TNKS: variants seen among roughly 807,000 people sequenced by gnomAD.
The protein encoded by TNKS is poly [ADP-ribose] polymerase tankyrase-1.
TNKS carries 72 observed loss-of-function variants against 135.8 expected under a neutral mutation model. The ratio of observed to expected loss-of-function variants is 0.53; its 90% confidence interval spans 0.44 to 0.64. TNKS has a LOEUF of 0.64. Ranked by LOEUF, TNKS falls within the 30% of genes least tolerant of loss-of-function variation. The pLI, the probability that TNKS is intolerant of heterozygous loss-of-function variation, is 0.00. For synonymous variants in TNKS, 849 were observed against 649.3 expected (o/e 1.31, Z -4.68); for missense variants, 1,769 against 1,674.0 (o/e 1.06, Z -0.99).
At position 9,667,060 on chromosome 8, in the gene TNKS, CAA is replaced by C. The variant is rs376940172; in HGVS notation, c.995-12889_995-12888del. Among the ~76,000 whole-genome samples the C allele has an allele frequency of 5.3e-3, 802 of 152,146 alleles. 9 individuals carry two copies. The highest frequency in any genetic ancestry group is 0.018 in the African/African-American group (751 of 41,500). On this transcript the variant is annotated intron_variant, in intron 3 of 26. Transcript: ENST00000310430. Reference sequence around the variant, plus strand: ...TTATGGTAGCAGTATTCTAATAAGACAAAGTGATAATTTTTATATGAGGGTAG... The same window carrying C: ...TTATGGTAGCAGTATTCTAATAAGACAGTGATAATTTTTATATGAGGGTAG...
At chr8:9,659,510 A>G (rs546425982) in intron 3 of TNKS, among the ~76,000 whole-genome samples, 19 of 152,374 alleles carry the variant, frequency 1.2e-4, no homozygotes, top group African/African-American at 4.1e-4. Flanking sequence ...AAATGAAGGC[A>G]GAAATAAAGA....
chr8:9,711,737 T>C (rs988217732), intron 11 of TNKS, among the ~76,000 whole-genome samples: 1 of 152,244 alleles, frequency 6.6e-6, no homozygotes, highest in African/African-American at 2.4e-5. Context: ...AGGTAAATGA[T>C]AAAATAACTG....
At chr8:9,622,074 T>G (rs753394513) in intron 3 of TNKS, among the ~76,000 whole-genome samples, 1 of 152,196 alleles carries the variant, frequency 6.6e-6, no homozygotes, top group African/African-American at 2.4e-5. Context: ...GCAGGAAAAT[T>G]TAAAGTTTTA....
At chr8:9,705,033 A>G (rs1803983941) in intron 6 of TNKS, among the ~76,000 whole-genome samples, 2 of 152,212 alleles carry the variant, frequency 1.3e-5, no homozygotes, top group South Asian at 4.1e-4. Context: ...CAACTCTTAA[A>G]TTGCATTTTA....
intron 20 of TNKS, among the ~76,000 whole-genome samples, chr8:9,753,524 T>G (rs1170706647): frequency 6.6e-6 from 1 of 152,236 alleles, no homozygotes; most frequent in African/African-American, 2.4e-5. Context: ...TTCTTCTGTT[T>G]GTTTTACTGT....
intron 26 of TNKS, among the ~76,000 whole-genome samples, chr8:9,775,791 C>G (rs1426400851): frequency 1.3e-5 from 2 of 151,912 alleles, no homozygotes; most frequent in Non-Finnish European, 2.9e-5. Context: ...GTCCCCAAAA[C>G]ACTTTGCTCA....
At chr8:9,561,849 T>C (rs963852436) in intron 1 of TNKS, among the ~76,000 whole-genome samples, 1 of 152,140 alleles carries the variant, frequency 6.6e-6, no homozygotes, top group Non-Finnish European at 1.5e-5. Flanking sequence ...TTGATTTTGC[T>C]CTTGTTGCCC....
intron 3 of TNKS, among the ~76,000 whole-genome samples, chr8:9,623,147 A>T (rs755730526): frequency 6.6e-6 from 1 of 152,220 alleles, no homozygotes; most frequent in Non-Finnish European, 1.5e-5. Context: ...CAGAAAGGGA[A>T]ACTGCAGATA....
intron 3 of TNKS, among the ~76,000 whole-genome samples, chr8:9,654,334 C>A (rs534172559): frequency 3.0e-4 from 46 of 151,942 alleles, no homozygotes; most frequent in Non-Finnish European, 5.3e-4. Context: ...TATTCTTAAC[C>A]TACTAGTACT....
Position 9,577,844 on chromosome 8 carries a change from C to A in TNKS, c.674-2315C>A, listed in dbSNP as rs1304604920. ...CTCATTCCAGCATTAACTCAAAAGT[C>A]CAGAGTTCAAAGCAAAGCAAGTCCC... On this transcript the variant is annotated intron_variant, in intron 1 of 26. Coordinates refer to ENST00000310430, the MANE Select transcript of TNKS (RefSeq NM_003747.3). Among the ~76,000 whole-genome samples the A allele has an allele frequency of 2.6e-5, 4 of 152,252 alleles. No individual in the cohort carries two copies. In the East Asian group the frequency reaches 7.7e-4, roughly 29 times the overall value.
chr8:9,724,777 C>T (rs891093161), intron 12 of TNKS, among the ~76,000 whole-genome samples: 4 of 152,160 alleles, frequency 2.6e-5, no homozygotes, highest in Non-Finnish European at 2.9e-5. Context: ...ATTCTTTTCT[C>T]ATAGTTCCAG....
chr8:9,572,590 A>G (rs868786607), intron 1 of TNKS, among the ~76,000 whole-genome samples: 5 of 152,160 alleles, frequency 3.3e-5, no homozygotes, highest in African/African-American at 1.2e-4. Context: ...TTTCTCCATG[A>G]AATATAGTAA....
At chr8:9,719,048 C>G (rs999153354) in intron 11 of TNKS, among the ~76,000 whole-genome samples, 1 of 152,126 alleles carries the variant, frequency 6.6e-6, no homozygotes, top group African/African-American at 2.4e-5. Flanking sequence ...AATCAAAATT[C>G]AAGTTAGTTT....
intron 3 of TNKS, among the ~76,000 whole-genome samples, chr8:9,658,100 G>T (rs1241191104): frequency 5.3e-5 from 5 of 93,486 alleles, no homozygotes; most frequent in African/African-American, 4.3e-5. Flanking sequence ...GGGAAGAGGC[G>T]CTCCTCACTT....
At chr8:9,699,151 A>G (rs1294550694) in intron 5 of TNKS, among the ~76,000 whole-genome samples, 41 of 152,258 alleles carry the variant, frequency 2.7e-4, no homozygotes, top group Admixed American at 2.5e-3. Context: ...GTTTACAACC[A>G]TCATCAAATT....
chr8:9,569,650 G>T (rs930676196), intron 1 of TNKS, among the ~76,000 whole-genome samples: 3 of 152,148 alleles, frequency 2.0e-5, no homozygotes, highest in Non-Finnish European at 4.4e-5. Flanking sequence ...TTTTGTACAC[G>T]TCTGTAAACG....
chr8:9,776,763 C>T lies in TNKS; in HGVS notation c.*27C>T. The T allele has an allele frequency of 6.2e-7, 1 of 1,601,156 alleles. No individual in the cohort carries two copies. Among genetic ancestry groups the T allele is most frequent in the East Asian group, 2.2e-5 (1 of 44,808 alleles). On this transcript the variant is annotated 3_prime_UTR_variant, in exon 27 of 27. Transcript: ENST00000310430. ...GAATGCCTGCTGGTGAAGGCCAGAT[C>T]AGATTTCAACCTGGGACTGGATTAC...
At chr8:9,570,279 A>G (rs1797707820) in intron 1 of TNKS, among the ~76,000 whole-genome samples, 1 of 152,174 alleles carries the variant, frequency 6.6e-6, no homozygotes. Context: ...TGTCTCTACA[A>G]AAAAATTTAA....
Position 9,669,401 on chromosome 8 carries a change from C to T in TNKS, c.995-10550C>T, listed in dbSNP as rs35599091. The stretch of plus-strand genomic sequence containing the variant: ...CCACTGCAGTCCGCAGTCCGGCCTG[C>T]GCGACAGAGCGAGACTCCGCCTCAA... On this transcript the variant is annotated intron_variant, in intron 3 of 26. Coordinates refer to ENST00000310430, the MANE Select transcript of TNKS (RefSeq NM_003747.3). 8.8e-5 allele frequency among the ~76,000 whole-genome samples: 12 copies of T among 137,016 alleles called. 1 individual carries two copies. In the East Asian group the frequency reaches 2.5e-3, roughly 29 times the overall value. 89.9% of individuals were successfully genotyped at this position (137,016 alleles called of 152,430 possible). A position where few individuals can be genotyped will look rare whatever the true frequency, so the allele number is the denominator to read the frequency against.
Sources: gnomAD v4.1 joint callset for allele counts (sites outside exome capture counted in the v4.1 genomes callset) on GRCh38, gnomAD v4.1.1 for gene constraint, MANE v1.5 for transcripts, NCBI Gene and HGNC (gene_info 2026-07-23, HGNC 2026-07-21) for gene names.